Variants in FAM151B observed in about 807,000 individuals in gnomAD.
The protein encoded by FAM151B is family with sequence similarity 151 member B.
In FAM151B, 24 loss-of-function variants were observed where a neutral mutation model predicts 31.2. That is an observed-to-expected ratio of 0.77 (90% CI 0.56 to 1.08). The LOEUF is 1.08. Among genes scored for constraint, FAM151B ranks in the 50% least tolerant of loss-of-function variants. The pLI is 0.00. For missense variants in FAM151B, 293 were observed against 328.6 expected, an observed-to-expected ratio of 0.89 and a Z score of 0.84; for synonymous variants, 105 against 111.4, an observed-to-expected ratio of 0.94 and a Z score of 0.36.
At chr5:80,502,242 T>A (rs1415692740) in intron 2 of FAM151B, among the ~76,000 whole-genome samples, 1 of 152,138 alleles carries the variant, frequency 6.6e-6, no homozygotes, top group Non-Finnish European at 1.5e-5. Context: ...GTTTACAAAA[T>A]GGACAAATTG....
chr5:80,530,448 C>T (rs1037281114), intron 5 of FAM151B, among the ~76,000 whole-genome samples: 3 of 152,250 alleles, frequency 2.0e-5, no homozygotes, highest in African/African-American at 7.2e-5. Flanking sequence ...GTCAAATTGT[C>T]CCTGTTTGCA....
At chr5:80,540,859 T>C (rs1259836561) in intron 5 of FAM151B, among the ~76,000 whole-genome samples, 2 of 152,220 alleles carry the variant, frequency 1.3e-5, no homozygotes, top group Admixed American at 1.3e-4. Context: ...CAGGAATGTG[T>C]CAATATGACA....
At chr5:80,504,982 C>T (rs1279536413) in intron 2 of FAM151B, among the ~76,000 whole-genome samples, 1 of 152,192 alleles carries the variant, frequency 6.6e-6, no homozygotes, top group Non-Finnish European at 1.5e-5. Context: ...GAAAGAACAA[C>T]TTCTCTGTAT....
At chr5:80,533,755 A>AAAAG (rs1745357694) in intron 5 of FAM151B, among the ~76,000 whole-genome samples, 1 of 151,220 alleles carries the variant, frequency 6.6e-6, no homozygotes, top group African/African-American at 2.4e-5. Flanking sequence ...ATCTCAAAAA[A>AAAAG]AAAAAAAAAA....
chr5:80,521,181 G>A (rs1744697729), intron 4 of FAM151B, among the ~76,000 whole-genome samples: 1 of 138,012 alleles, frequency 7.2e-6, no homozygotes, highest in African/African-American at 2.7e-5. Context: ...GCTGAGTGCA[G>A]TAGTACCATC....
intron 5 of FAM151B, among the ~76,000 whole-genome samples, chr5:80,535,369 C>T (rs1350890214): frequency 1.3e-5 from 2 of 152,132 alleles, no homozygotes; most frequent in African/African-American, 4.8e-5. Flanking sequence ...GCTATAGTAA[C>T]CAAAACTGCA....
At chr5:80,512,632 A>G (rs1375837088) in intron 2 of FAM151B, among the ~76,000 whole-genome samples, 2 of 141,922 alleles carry the variant, frequency 1.4e-5, no homozygotes, top group South Asian at 4.6e-4. Flanking sequence ...TTTTAAAAAA[A>G]TCAGCTGGGC....
At chr5:80,535,861 G>T (rs1025320289) in intron 5 of FAM151B, among the ~76,000 whole-genome samples, 1 of 152,080 alleles carries the variant, frequency 6.6e-6, no homozygotes, top group Admixed American at 6.6e-5. Context: ...TTAATAACTA[G>T]AATATATAAG....
At chr5:80,496,727 A>G (rs1743550236) in intron 1 of FAM151B, among the ~76,000 whole-genome samples, 1 of 151,982 alleles carries the variant, frequency 6.6e-6, no homozygotes, top group Admixed American at 6.6e-5. Context: ...TTTTTAAATT[A>G]CCAAAACAGC....
intron 1 of FAM151B, among the ~76,000 whole-genome samples, chr5:80,488,820 G>C (rs1743209278): frequency 1.3e-5 from 2 of 152,018 alleles, no homozygotes; most frequent in African/African-American, 4.8e-5. Flanking sequence ...CTTCTGAATC[G>C]ATGCACAGTT....
intron 5 of FAM151B, among the ~76,000 whole-genome samples, chr5:80,534,606 C>T (rs1309200087): frequency 6.6e-6 from 1 of 152,118 alleles, no homozygotes; most frequent in Non-Finnish European, 1.5e-5. Context: ...AGGAGCATGC[C>T]TCAACGTAAT....
chr5:80,489,573 A>G (rs1198441197), intron 1 of FAM151B, among the ~76,000 whole-genome samples: 1 of 152,244 alleles, frequency 6.6e-6, no homozygotes, highest in African/African-American at 2.4e-5. Context: ...AAATCTTGGA[A>G]TAAAATGTGT....
intron 5 of FAM151B, among the ~76,000 whole-genome samples, chr5:80,533,573 G>A (rs1043335610): frequency 2.0e-5 from 3 of 151,352 alleles, no homozygotes; most frequent in East Asian, 1.9e-4. Flanking sequence ...CCAACAAGGC[G>A]AAACCCTCTC....
intron 1 of FAM151B, among the ~76,000 whole-genome samples, chr5:80,489,880 C>T (rs536466564): frequency 2.0e-4 from 31 of 151,940 alleles, no homozygotes; most frequent in Admixed American, 1.7e-3. Context: ...GCCAAGATTG[C>T]GCCACTGCAC....
At chr5:80,522,268 G>A (rs1744755086) in intron 5 of FAM151B, 130 bp downstream of exon 5, 2 of 951,668 alleles carry the variant, frequency 2.1e-6, no homozygotes, top group Non-Finnish European at 3.1e-6. Flanking sequence ...GAAAACTGAT[G>A]ATATAAGCGC....
In FAM151B at chr5:80,494,461, TTTCTTTCTTTC is replaced by T. The variant is rs1561359154; in HGVS notation, c.25+6316_25+6326del. Reference sequence around the variant, plus strand: ...TCTTTCTTTTTCTTTCTTTCTTTTCTTTCTTTCTTTCTTTCTTTCTTTCTTTCTTTCTTTCT... The same window carrying T: ...TCTTTCTTTTTCTTTCTTTCTTTTCTTTTCTTTCTTTCTTTCTTTCTTTCT... On this transcript the variant is annotated intron_variant, in intron 1 of 5. Transcript: ENST00000282226. Among the ~76,000 whole-genome samples, 108 of 43,548 alleles carry T rather than the reference TTTCTTTCTTTC, an allele frequency of 2.5e-3. 4 individuals carry two copies. The highest frequency in any genetic ancestry group is 0.011 in the African/African-American group (98 of 9,212). The allele number at this position is 43,548 out of a possible 152,430, so 28.6% of individuals were successfully genotyped here. A position where few individuals can be genotyped will look rare whatever the true frequency, so the allele number is the denominator to read the frequency against.
chr5:80,512,637 C>G (rs1744233603), intron 2 of FAM151B, among the ~76,000 whole-genome samples: 2 of 151,650 alleles, frequency 1.3e-5, no homozygotes, highest in South Asian at 4.2e-4. Flanking sequence ...AAAAAATCAG[C>G]TGGGCATGGT....
chr5:80,498,676 T>C (rs1743634904), intron 1 of FAM151B: 2 of 641,132 alleles, frequency 3.1e-6, no homozygotes, highest in Non-Finnish European at 5.8e-6. Flanking sequence ...TCTTCCACCT[T>C]ATAGTATTTC....
chr5:80,490,995 G>T (rs574734417), intron 1 of FAM151B, among the ~76,000 whole-genome samples: 1 of 152,252 alleles, frequency 6.6e-6, no homozygotes, highest in Non-Finnish European at 1.5e-5. Context: ...TCAGCAAATA[G>T]CAAACTTTCT....
Sources: gnomAD v4.1 joint callset for allele counts (sites outside exome capture counted in the v4.1 genomes callset) on GRCh38, gnomAD v4.1.1 for gene constraint, MANE v1.5 for transcripts, NCBI Gene and HGNC (gene_info 2026-07-23, HGNC 2026-07-21) for gene names.